The following POLR1A variants were observed in gnomAD, a reference collection of about 807,000 sequenced individuals.
POLR1A encodes the protein DNA-directed RNA polymerase I subunit RPA1.
Under a neutral mutation model 205.3 loss-of-function variants are expected in POLR1A, and 84 were observed. The observed-to-expected ratio is 0.41, with a 90% CI of 0.34 to 0.49. The LOEUF (loss-of-function observed/expected upper bound fraction) is 0.49. Ranked by LOEUF, POLR1A falls within the 20% of genes least tolerant of loss-of-function variation. The pLI, the probability that POLR1A is intolerant of heterozygous loss-of-function variation, is 0.22. For missense variants in POLR1A, 1,645 were observed against 2,204.5 expected, an observed-to-expected ratio of 0.75 and a Z score of 5.08; for synonymous variants, 799 against 863.7, an observed-to-expected ratio of 0.93 and a Z score of 1.31.
intron 11 of POLR1A, 84 bp from the exon 12 acceptor site, chr2:86,075,344 C>G (rs2104417209): frequency 1.0e-6 from 1 of 971,966 alleles, no homozygotes; most frequent in East Asian, 2.6e-5. Flanking sequence ...AACAGGCTGT[C>G]TTTTCACCCA....
chr2:86,078,020 G>A (rs1319091697), intron 10 of POLR1A, 39 bp from the exon 11 acceptor site: 4 of 1,613,656 alleles, frequency 2.5e-6, no homozygotes, highest in Non-Finnish European at 3.4e-6. Flanking sequence ...CATTCAACAA[G>A]AATTCCAGTA....
At chr2:86,075,374 G>C (rs555040773) in intron 11 of POLR1A, 114 bp from the exon 12 acceptor site, 70 of 751,166 alleles carry the variant, frequency 9.3e-5, no homozygotes, top group Non-Finnish European at 1.4e-4. Context: ...GGAGCTGTTT[G>C]ACTTGGCCAA....
At chr2:86,099,228 G>GT (rs1673766889) in intron 2 of POLR1A, among the ~76,000 whole-genome samples, 3 of 151,822 alleles carry the variant, frequency 2.0e-5, no homozygotes, top group Admixed American at 6.6e-5. Flanking sequence ...ATGGTGGTGC[G>GT]TGCCTGTAAT....
chr2:86,050,428 A>T (rs1474735437), intron 16 of POLR1A, among the ~76,000 whole-genome samples: 1 of 152,216 alleles, frequency 6.6e-6, no homozygotes, highest in Non-Finnish European at 1.5e-5. Context: ...ACACCGTGAA[A>T]GTGGGCATTC....
rs184483316 is a variant in POLR1A, at chr2:86,029,187, C to A, written c.4780-476G>T. Among the ~76,000 whole-genome samples, 766 of 152,330 alleles carry A rather than the reference C, an allele frequency of 5.0e-3. 6 individuals carry two copies. Among genetic ancestry groups the A allele is most frequent in the African/African-American group, 0.017 (725 of 41,582 alleles). ...TGAGCTGTCTTGGAGGAGCCTCTCA[C>A]CCTGCACTCTTGGCAGGTGCCAATC... is the stretch of plus-strand genomic sequence containing the variant. On this transcript the variant is annotated intron_variant, in intron 31 of 33. Transcript: ENST00000263857.
At chr2:86,075,869 AGGT>A (rs1673273481) in intron 11 of POLR1A, among the ~76,000 whole-genome samples, 1 of 152,230 alleles carries the variant, frequency 6.6e-6, no homozygotes, top group South Asian at 2.1e-4. Flanking sequence ...AAGTTCCCAA[AGGT>A]GGCATGGGGC....
At chr2:86,057,729 T>A (rs1490625282) in intron 14 of POLR1A, among the ~76,000 whole-genome samples, 1 of 152,198 alleles carries the variant, frequency 6.6e-6, no homozygotes, top group East Asian at 1.9e-4. Flanking sequence ...ATACAACTTA[T>A]ATGAAATGTC....
At chr2:86,099,239 C>A (rs1673767052) in intron 2 of POLR1A, among the ~76,000 whole-genome samples, 1 of 151,890 alleles carries the variant, frequency 6.6e-6, no homozygotes, top group African/African-American at 2.4e-5. Context: ...TGCCTGTAAT[C>A]CCAGCTACTA....
intron 18 of POLR1A, among the ~76,000 whole-genome samples, chr2:86,048,512 C>T (rs959561628): frequency 2.0e-5 from 3 of 152,218 alleles, no homozygotes; most frequent in African/African-American, 7.2e-5. Flanking sequence ...GGAACCTGAG[C>T]CTTCACTCCT....
rs192552817 is a variant in POLR1A at position 86,070,310 on chromosome 2, C to G, written c.1612-38G>C. On this transcript the variant is annotated intron_variant, in intron 12 of 33. Transcript: ENST00000263857. The surrounding 1 kb of genome is among the most constrained non-coding windows in gnomAD (Gnocchi z 4.4). ...TGGACAGGTGGGTGATCAGTGCAAA[C>G]GTCAGTATCACCACGGCTCTTTCCA... The G allele has an allele frequency of 6.4e-7, 1 of 1,562,842 alleles. No individual in the cohort carries two copies.
intron 14 of POLR1A, among the ~76,000 whole-genome samples, chr2:86,064,270 C>A (rs78912074): frequency 6.6e-6 from 1 of 151,908 alleles, no homozygotes; most frequent in Non-Finnish European, 1.5e-5. Flanking sequence ...AGAATCAGAA[C>A]TTAGCTTAGC....
chr2:86,051,193 T>G (rs1471722537), intron 16 of POLR1A, among the ~76,000 whole-genome samples: 1 of 152,160 alleles, frequency 6.6e-6, no homozygotes, highest in Non-Finnish European at 1.5e-5. Flanking sequence ...TATAAATACA[T>G]TTGGACATTT....
chr2:86,031,546 T>C lies in POLR1A; in HGVS notation c.4362A>G (p.Glu1454=), dbSNP rs1469251173. ...DMQEERNPHR[E]GARKTQEQDE... The stretch of plus-strand genomic sequence containing the variant: ...CTTGCTCTTGGGTCTTTCGAGCACC[T>C]TCCCTGTGGGGATTTCGTTCCTCCT... Residue 1454 remains glutamate, a synonymous_variant, in exon 30 of 34, where the codon GAA becomes GAG. Coordinates refer to ENST00000263857, the MANE Select transcript of POLR1A (RefSeq NM_015425.6). 152 of 1,614,040 alleles carry C rather than the reference T, an allele frequency of 9.4e-5. No homozygotes were observed. Among genetic ancestry groups the C allele is most frequent in the Non-Finnish European group, 1.2e-4 (144 of 1,179,988 alleles).
At chr2:86,049,117 T>G (rs778154327) in intron 17 of POLR1A, 43 bp downstream of exon 17, 3 of 1,609,370 alleles carry the variant, frequency 1.9e-6, no homozygotes, top group Non-Finnish European at 2.6e-6. Context: ...AGCACACACT[T>G]CACCCCTCTA....
intron 22 of POLR1A, among the ~76,000 whole-genome samples, chr2:86,043,812 C>T (rs1170021091): frequency 2.6e-5 from 4 of 152,172 alleles, no homozygotes; most frequent in Non-Finnish European, 4.4e-5. Flanking sequence ...AGAGTAATGC[C>T]TACTTCCCTG....
chr2:86,052,972 C>A lies in POLR1A; in HGVS notation c.2237G>T (p.Cys746Phe). The A allele has an allele frequency of 6.3e-7, 1 of 1,594,154 alleles. No individual in the cohort carries two copies. The highest frequency in any genetic ancestry group is 8.5e-7 in the Non-Finnish European group (1 of 1,170,504). The change falls in exon 16 of 34, where the codon TGC (cysteine) becomes TTC (phenylalanine). Residue 746 changes from cysteine (C) to phenylalanine (F), a missense_variant. Physicochemically the swap from Cys to Phe is radical, Grantham distance 205 (BLOSUM62 -2). Transcript: ENST00000263857. The part of the protein sequence containing the change: ...QVIIREGELL[C>F]GVLDKAHYGS... Reference sequence around the variant, plus strand: ...ATAGTGCGCCTTGTCCAGCACTCCGCAGAGCAGCTCCCCTTCCCTGATGAT... The same window carrying A: ...ATAGTGCGCCTTGTCCAGCACTCCGAAGAGCAGCTCCCCTTCCCTGATGAT...
In POLR1A at chr2:86,042,940, G is replaced by T. The variant is rs199664380; in HGVS notation, c.3357+34C>A. On this transcript the variant is annotated intron_variant, in intron 23 of 33. Transcript: ENST00000263857. ...TCACCCACTGACTAAGCCTGGACGT[G>T]CTGGACATTAAGGACACCACCTCCC... The T allele has an allele frequency of 4.7e-6, 7 of 1,497,348 alleles. No homozygotes were observed. The East Asian group carries it at 1.4e-4, about 29-fold the overall frequency. 92.8% of individuals were successfully genotyped at this position (1,497,348 alleles called of 1,614,324 possible).
chr2:86,070,408 T>C lies in POLR1A; in HGVS notation c.1612-136A>G. The C allele has an allele frequency of 1.1e-6, 1 of 938,566 alleles. No individual in the cohort carries two copies. Among genetic ancestry groups the C allele is most frequent in the East Asian group, 2.6e-5 (1 of 39,040 alleles). The allele number at this position is 938,566 out of a possible 1,614,324, so 58.1% of individuals were successfully genotyped here. On this transcript the variant is annotated intron_variant, in intron 12 of 33. Coordinates refer to ENST00000263857, the MANE Select transcript of POLR1A (RefSeq NM_015425.6). The surrounding 1 kb of genome is among the most constrained non-coding windows in gnomAD (Gnocchi z 4.4). ...AGTTAACTAAATGCAAGGGGAATTT[T>C]TCATCTGGAGCAAAACCCTGGAAAT... is the stretch of plus-strand genomic sequence containing the variant.
Position 86,088,599 on chromosome 2 carries a change from T to C in POLR1A, c.697A>G (p.Arg233Gly), listed in dbSNP as rs1177096661. 1.2e-6 allele frequency: 2 copies of C among 1,613,974 alleles called. No individual in the cohort carries two copies. The highest frequency in any genetic ancestry group is 1.3e-5 in the African/African-American group (1 of 75,072). Reference sequence around the variant, plus strand: ...TCAGAGTCCTTCTGGCCAGCTGTCCTGTGCACCATGGCTGGAAACGTGATA... The same window carrying C: ...TCAGAGTCCTTCTGGCCAGCTGTCCCGTGCACCATGGCTGGAAACGTGATA... Reference protein sequence around the residue: ...LTITFPAMVHRTAGQKDSEPL... With the variant: ...LTITFPAMVHGTAGQKDSEPL... The change falls in exon 6 of 34, where the codon AGG (arginine) becomes GGG (glycine). Residue 233 changes from arginine to glycine, a missense_variant. Coordinates refer to ENST00000263857, the MANE Select transcript of POLR1A (RefSeq NM_015425.6).
Sources: allele counts gnomAD v4.1 joint callset (sites outside exome capture counted in the v4.1 genomes callset), GRCh38; gene constraint gnomAD v4.1.1; non-coding constraint Gnocchi (gnomAD v3.1); transcripts MANE v1.5; gene names NCBI Gene and HGNC (gene_info 2026-07-23, HGNC 2026-07-21).